Variants in VPS8 observed in about 807,000 individuals in gnomAD.
The protein encoded by VPS8 is VPS8 subunit of CORVET complex.
VPS8 carries 129 observed loss-of-function variants against 216.4 expected under a neutral mutation model. The observed-to-expected ratio is 0.60, with a 90% CI of 0.52 to 0.69. VPS8 has a LOEUF of 0.69. Among genes scored for constraint, VPS8 ranks in the 30% least tolerant of loss-of-function variants. The pLI is 0.00. For synonymous variants in VPS8, 571 were observed against 565.4 expected (o/e 1.01, Z -0.14); for missense variants, 1,531 against 1,683.5 (o/e 0.91, Z 1.59).
At chr3:184,947,581 T>C (rs1245333814) in intron 36 of VPS8, among the ~76,000 whole-genome samples, 1 of 151,650 alleles carries the variant, frequency 6.6e-6, no homozygotes, top group East Asian at 1.9e-4. Context: ...ATCAACTCTA[T>C]GATATAGACA....
At position 184,866,859 on chromosome 3, in the gene VPS8, G is replaced by A; in HGVS notation, c.1396-17G>A. ...AGGAATTTTTTTACCTTTTTTGTAT[G>A]TATGTTTTTCTTCCAGGCTTTGGTT... is the stretch of plus-strand genomic sequence containing the variant. On this transcript the variant is annotated splice_polypyrimidine_tract_variant and intron_variant, in intron 16 of 47. Coordinates refer to ENST00000625842, the MANE Select transcript of VPS8 (RefSeq NM_001009921.3). 6.2e-7 allele frequency: 1 copy of A among 1,605,640 alleles called. No homozygotes were observed. Among genetic ancestry groups the A allele is most frequent in the Non-Finnish European group, 8.5e-7 (1 of 1,177,368 alleles).
chr3:184,982,934 G>GT lies in VPS8; in HGVS notation c.3503-73dup, dbSNP rs1750453176. 1.3e-5 allele frequency: 17 copies of GT among 1,308,626 alleles called. No homozygotes were observed. In the South Asian group the frequency reaches 3.0e-4, roughly 23 times the overall value. 81.1% of individuals were successfully genotyped at this position (1,308,626 alleles called of 1,614,324 possible). On this transcript the variant is annotated intron_variant, in intron 41 of 47. Transcript: ENST00000625842. Reference sequence around the variant, plus strand: ...TTCTAAGAAGCTATATAAATGCACTGTTTTTCCACAGACTTATAGGAAAAA... The same window carrying GT: ...TTCTAAGAAGCTATATAAATGCACTGTTTTTTCCACAGACTTATAGGAAAAA...
chr3:184,986,408 T>G (rs1751078859), intron 42 of VPS8, among the ~76,000 whole-genome samples: 1 of 152,196 alleles, frequency 6.6e-6, no homozygotes, highest in South Asian at 2.1e-4. Context: ...TTGGATTTTA[T>G]TCTAAAATCA....
At chr3:184,965,680 C>T (rs899162260) in intron 38 of VPS8, among the ~76,000 whole-genome samples, 1 of 152,104 alleles carries the variant, frequency 6.6e-6, no homozygotes, top group Non-Finnish European at 1.5e-5. Context: ...AAGCAAGAAA[C>T]GGATTTGATG....
rs1731155384 is a variant in VPS8, at chr3:184,886,043, C to G, written c.1735-67C>G. 13 of 1,522,962 alleles carry G rather than the reference C, an allele frequency of 8.5e-6. No homozygotes were observed. In the South Asian group the frequency reaches 1.6e-4, roughly 18 times the overall value. 94.3% of individuals were successfully genotyped at this position (1,522,962 alleles called of 1,614,324 possible). On this transcript the variant is annotated intron_variant, in intron 21 of 47. Transcript: ENST00000625842. ...CAATCTAAAAGCATCTTAAGCAGAC[C>G]TGTCATTATCAGTGGACCACTGGAC...
chr3:184,869,036 G>A lies in VPS8; in HGVS notation c.1597G>A (p.Gly533Arg). 1 of 1,602,472 alleles carries A rather than the reference G, an allele frequency of 6.2e-7. No homozygotes were observed. Among genetic ancestry groups the A allele is most frequent in the Non-Finnish European group, 8.5e-7 (1 of 1,174,388 alleles). The change falls in exon 19 of 48, where the codon GGA (glycine) becomes AGA (arginine). Residue 533 changes from glycine (G) to arginine (R), a missense_variant and splice_region_variant. Physicochemically the swap from Gly to Arg is moderately radical, Grantham distance 125 (BLOSUM62 -2). Coordinates refer to ENST00000625842, the MANE Select transcript of VPS8 (RefSeq NM_001009921.3). ...FHEGKAKAVV[G>R]LSGDASKRKA... ...TGAAGGAAAAGCAAAAGCAGTAGTG[G>A]GTGAGTAGGCAGAATTCCAGTGTAG...
intron 21 of VPS8, among the ~76,000 whole-genome samples, chr3:184,879,574 CT>C: frequency 6.6e-6 from 1 of 152,102 alleles, no homozygotes; most frequent in East Asian, 1.9e-4. Context: ...AGGACTTGTT[CT>C]TTCCCATTCT....
At chr3:184,974,212 A>T (rs1209686125) in intron 40 of VPS8, among the ~76,000 whole-genome samples, 3 of 152,108 alleles carry the variant, frequency 2.0e-5, no homozygotes, top group African/African-American at 7.2e-5. Context: ...AGCAAGACTC[A>T]TCTCTGATCT....
At chr3:184,926,985 C>T (rs926441691) in intron 31 of VPS8, among the ~76,000 whole-genome samples, 2 of 152,282 alleles carry the variant, frequency 1.3e-5, no homozygotes, top group African/African-American at 2.4e-5. Context: ...CTGCTAGCTG[C>T]TGTGGTCCTG....
At chr3:184,993,043 AT>A (rs1472266423) in intron 42 of VPS8, among the ~76,000 whole-genome samples, 2 of 152,062 alleles carry the variant, frequency 1.3e-5, no homozygotes, top group Non-Finnish European at 2.9e-5. Context: ...AAAACATGAT[AT>A]TTTCACATGA....
intron 29 of VPS8, among the ~76,000 whole-genome samples, chr3:184,924,159 T>A (rs1007782266): frequency 6.6e-6 from 1 of 152,200 alleles, no homozygotes; most frequent in Admixed American, 6.5e-5. Context: ...AGGAACTGCT[T>A]AATAGAAAGC....
chr3:184,891,501 C>T (rs531126768), intron 22 of VPS8, among the ~76,000 whole-genome samples: 29 of 152,100 alleles, frequency 1.9e-4, no homozygotes, highest in African/African-American at 5.5e-4. Context: ...GGAAAAAAGG[C>T]GTTTTTAATT....
At chr3:184,950,020 C>T (rs1176293908) in intron 36 of VPS8, among the ~76,000 whole-genome samples, 2 of 151,692 alleles carry the variant, frequency 1.3e-5, no homozygotes, top group African/African-American at 4.8e-5. Flanking sequence ...AGTGATTCTC[C>T]TGCCTTTGTC....
chr3:185,001,136 CA>C (rs1465828361), intron 45 of VPS8, among the ~76,000 whole-genome samples: 3 of 152,142 alleles, frequency 2.0e-5, no homozygotes, highest in Non-Finnish European at 4.4e-5. Flanking sequence ...AGTATACAGT[CA>C]ACAAACTTAT....
intron 27 of VPS8, 39 bp from the exon 28 acceptor site, chr3:184,915,316 A>G: frequency 6.3e-7 from 1 of 1,596,218 alleles, no homozygotes; most frequent in East Asian, 2.2e-5. Flanking sequence ...ATACTTTGTC[A>G]GGTGAGAAAA....
chr3:184,835,371 G>T (rs1357238702), intron 5 of VPS8, among the ~76,000 whole-genome samples: 1 of 152,096 alleles, frequency 6.6e-6, no homozygotes, highest in African/African-American at 2.4e-5. Flanking sequence ...AGGTGGCATT[G>T]GTGAATGTGG....
chr3:185,015,762 G>A (rs999702799), intron 45 of VPS8, among the ~76,000 whole-genome samples: 1 of 152,178 alleles, frequency 6.6e-6, no homozygotes, highest in Non-Finnish European at 1.5e-5. Context: ...CTGCTTTCCT[G>A]AGAGGGACAG....
At position 184,971,727 on chromosome 3, in the gene VPS8, A is replaced by C; in HGVS notation, c.3395A>C (p.His1132Pro). 6.2e-7 allele frequency: 1 copy of C among 1,613,188 alleles called. No homozygotes were observed. The highest frequency in any genetic ancestry group is 2.2e-5 in the East Asian group (1 of 44,864). Residue 1132 changes from histidine to proline, a missense_variant, in exon 40 of 48, where the codon CAT (histidine) becomes CCT (proline). Physicochemically the swap from His to Pro is moderately conservative, Grantham distance 77. This residue lies in a region of VPS8 where 1,318 missense variants were observed against 1,468.4 expected (regional missense o/e 0.90). Transcript: ENST00000625842. ...ETIALCQRNS[H>P]NLNQQQREAL... ...ATTGCTCTTTGCCAGAGAAATTCAC[A>C]TAATTTGAACCAGCAGCAACGTGAG...
Position 184,824,797 on chromosome 3 carries a change from A to C in VPS8, c.153+12A>C, listed in dbSNP as rs763143393. ...TCAAAAATGATCTGGTAAAAATTTC[A>C]ATTTCTGTCAAGTGATAATGTTTAA... On this transcript the variant is annotated intron_variant, in intron 2 of 47. Coordinates refer to ENST00000625842, the MANE Select transcript of VPS8 (RefSeq NM_001009921.3). 1.3e-6 allele frequency: 2 copies of C among 1,590,904 alleles called. No homozygotes were observed. The highest frequency in any genetic ancestry group is 1.8e-5 in the Admixed American group (1 of 56,090).
Sources: gnomAD v4.1 joint callset for allele counts (sites outside exome capture counted in the v4.1 genomes callset) on GRCh38, gnomAD v4.1.1 for gene constraint, gnomAD v4.1.1 regional missense constraint, MANE v1.5 for transcripts, NCBI Gene and HGNC (gene_info 2026-07-23, HGNC 2026-07-21) for gene names.